The following PLPPR1 variants were observed in gnomAD, a reference collection of about 807,000 sequenced individuals.
PLPPR1 encodes the protein phospholipid phosphatase related 1.
Under a neutral mutation model 33.1 loss-of-function variants are expected in PLPPR1, and 10 were observed. That is an observed-to-expected ratio of 0.30 (90% CI 0.19 to 0.51). The LOEUF is 0.51. Ranked by LOEUF, PLPPR1 falls within the 20% of genes least tolerant of loss-of-function variation. The pLI is 0.97. For synonymous variants in PLPPR1, 151 were observed against 151.0 expected, an observed-to-expected ratio of 1.00 and a Z score of 0.00; for missense variants, 304 against 408.1, an observed-to-expected ratio of 0.74 and a Z score of 2.20.
chr9:101,300,364 A>G (rs1169986040), intron 4 of PLPPR1, among the ~76,000 whole-genome samples: 1 of 152,124 alleles, frequency 6.6e-6, no homozygotes, highest in Non-Finnish European at 1.5e-5. Context: ...TTATTTGCAG[A>G]GACAGGGTCT....
intron 1 of PLPPR1, among the ~76,000 whole-genome samples, chr9:101,113,203 A>AT: frequency 7.2e-6 from 1 of 138,340 alleles, no homozygotes; most frequent in African/African-American, 2.6e-5. Context: ...AAGCATATTA[A>AT]TCCTTTTTTT....
chr9:101,189,472 C>A (rs530935193), intron 2 of PLPPR1, among the ~76,000 whole-genome samples: 1 of 152,126 alleles, frequency 6.6e-6, no homozygotes, highest in South Asian at 2.1e-4. Context: ...TCCTGAATTC[C>A]AAAAGGGAGG....
chr9:101,078,107 GAA>G (rs1830563924), intron 1 of PLPPR1, among the ~76,000 whole-genome samples: 174 of 1,978 alleles, frequency 0.088, 32 homozygotes, highest in African/African-American at 0.21. Flanking sequence ...AGAAGGAGAA[GAA>G]GAAGAAGAAG....
chr9:101,134,497 C>A (rs368197766), intron 1 of PLPPR1, among the ~76,000 whole-genome samples: 1 of 151,914 alleles, frequency 6.6e-6, no homozygotes, highest in East Asian at 1.9e-4. Context: ...ATCCTCCTAC[C>A]TCAGCCTCCC....
Position 101,037,371 on chromosome 9 carries a change from A to C in PLPPR1, c.-46+8269A>C, listed in dbSNP as rs111559151. Reference sequence around the variant, plus strand: ...TGCTTACAGACACAGGGTGAAGAAAAAGTGATCATATTTACTGGAGCAAAT... The same window carrying C: ...TGCTTACAGACACAGGGTGAAGAAACAGTGATCATATTTACTGGAGCAAAT... On this transcript the variant is annotated intron_variant, in intron 1 of 7. Coordinates refer to ENST00000374874, the MANE Select transcript of PLPPR1 (RefSeq NM_207299.2). Among the ~76,000 whole-genome samples, 451 of 152,174 alleles carry C rather than the reference A, an allele frequency of 3.0e-3. 4 individuals carry two copies. The highest frequency in any genetic ancestry group is 4.1e-3 in the Non-Finnish European group (276 of 67,998).
chr9:101,281,058 C>T (rs113149808), intron 3 of PLPPR1, among the ~76,000 whole-genome samples: 1 of 151,316 alleles, frequency 6.6e-6, no homozygotes, highest in African/African-American at 2.4e-5. Context: ...AGAACTGATA[C>T]ATAAATTCAA....
intron 2 of PLPPR1, among the ~76,000 whole-genome samples, chr9:101,214,998 G>A (rs1826760334): frequency 1.3e-5 from 2 of 150,128 alleles, no homozygotes; most frequent in South Asian, 4.2e-4. Flanking sequence ...ACTCCAGCCT[G>A]GGTGACAGAG....
intron 3 of PLPPR1, 70 bp downstream of exon 3, chr9:101,270,138 C>T: frequency 6.7e-6 from 10 of 1,489,772 alleles, no homozygotes; most frequent in Non-Finnish European, 9.3e-6. Context: ...GCTTTTTCTC[C>T]TCTTTCTTCT....
intron 3 of PLPPR1, among the ~76,000 whole-genome samples, chr9:101,270,902 C>T (rs1217193028): frequency 6.6e-6 from 1 of 152,142 alleles, no homozygotes; most frequent in Non-Finnish European, 1.5e-5. Context: ...ACGCTCCCTC[C>T]TCCCCTACCT....
chr9:101,286,440 T>A (rs1489983436), intron 4 of PLPPR1, among the ~76,000 whole-genome samples: 1 of 152,202 alleles, frequency 6.6e-6, no homozygotes. Flanking sequence ...CAACTGATTT[T>A]CCCCCCACAT....
At chr9:101,219,391 C>T (rs1826877567) in intron 2 of PLPPR1, among the ~76,000 whole-genome samples, 1 of 152,134 alleles carries the variant, frequency 6.6e-6, no homozygotes, top group Non-Finnish European at 1.5e-5. Flanking sequence ...GATAATTATC[C>T]TTGTTACAAA....
At chr9:101,059,885 C>T (rs938498942) in intron 1 of PLPPR1, among the ~76,000 whole-genome samples, 1 of 151,846 alleles carries the variant, frequency 6.6e-6, no homozygotes, top group Non-Finnish European at 1.5e-5. Flanking sequence ...ATTAGTACAG[C>T]CATTATGGAA....
intron 2 of PLPPR1, among the ~76,000 whole-genome samples, chr9:101,229,544 A>AT (rs1363325421): frequency 6.6e-6 from 1 of 152,092 alleles, no homozygotes; most frequent in East Asian, 1.9e-4. Context: ...GGCATATTTT[A>AT]TTTCATGATT....
At chr9:101,051,477 T>C (rs986796032) in intron 1 of PLPPR1, among the ~76,000 whole-genome samples, 2 of 152,176 alleles carry the variant, frequency 1.3e-5, no homozygotes, top group Non-Finnish European at 2.9e-5. Flanking sequence ...TTGCATCAGA[T>C]TTGTAGCCTT....
In PLPPR1 at chr9:101,248,136, C is replaced by T. The variant is rs542069481; in HGVS notation, c.64-21744C>T. Among the ~76,000 whole-genome samples, 367 of 152,010 alleles carry T rather than the reference C, an allele frequency of 2.4e-3. 6 individuals carry two copies. The highest frequency in any genetic ancestry group is 2.4e-3 in the Non-Finnish European group (163 of 67,934). ...ACTACTCACCCTAGTTATGGCAGTTCGGACATCAAAGATGTCAAAAATGTG... is the reference window on the plus strand; with the variant it reads ...ACTACTCACCCTAGTTATGGCAGTTTGGACATCAAAGATGTCAAAAATGTG... On this transcript the variant is annotated intron_variant, in intron 2 of 7. Coordinates refer to ENST00000374874, the MANE Select transcript of PLPPR1 (RefSeq NM_207299.2).
chr9:101,164,727 T>C (rs1825829269), intron 1 of PLPPR1, among the ~76,000 whole-genome samples: 1 of 152,076 alleles, frequency 6.6e-6, no homozygotes, highest in Admixed American at 6.6e-5. Flanking sequence ...ATTATAAATT[T>C]TTTCCCTAAA....
At position 101,185,466 on chromosome 9, in the gene PLPPR1, C is replaced by T. The variant is rs769369805; in HGVS notation, c.-29C>T. On this transcript the variant is annotated 5_prime_UTR_variant, in exon 2 of 8. It adds an upstream start codon to the 5' untranslated region. Coordinates refer to ENST00000374874, the MANE Select transcript of PLPPR1 (RefSeq NM_207299.2). ...CTATTTCAGCCTGGACAGTTTTTGA[C>T]GGTGCAGTCTTGCTATATGGTGTGA... The T allele has an allele frequency of 1.8e-5, 26 of 1,454,618 alleles. No individual in the cohort carries two copies. The highest frequency in any genetic ancestry group is 1.4e-4 in the South Asian group (12 of 85,274). 90.1% of individuals were successfully genotyped at this position (1,454,618 alleles called of 1,614,324 possible).
intron 7 of PLPPR1, chr9:101,322,335 G>T (rs978082094): frequency 1.4e-5 from 2 of 148,128 alleles, no homozygotes; most frequent in African/African-American, 5.0e-5. Flanking sequence ...TCAAATAAAA[G>T]ACAAGACTTT....
chr9:101,217,058 G>A (rs1051216909), intron 2 of PLPPR1, among the ~76,000 whole-genome samples: 4 of 152,120 alleles, frequency 2.6e-5, no homozygotes, highest in African/African-American at 9.7e-5. Flanking sequence ...TTTTAAAGTA[G>A]ATTAGCGTAT....
Sources: gnomAD v4.1 joint callset for allele counts (sites outside exome capture counted in the v4.1 genomes callset) on GRCh38, gnomAD v4.1.1 for gene constraint, MANE v1.5 for transcripts, NCBI Gene and HGNC (gene_info 2026-07-23, HGNC 2026-07-21) for gene names.